The following AKAP1 variants were observed in gnomAD, a reference collection of about 807,000 sequenced individuals.
The protein encoded by AKAP1 is A-kinase anchor protein 1, mitochondrial.
Under a neutral mutation model 79.8 loss-of-function variants are expected in AKAP1, and 32 were observed. The observed-to-expected ratio is 0.40, with a 90% CI of 0.30 to 0.54. The LOEUF is 0.54. Among genes scored for constraint, AKAP1 ranks in the 20% least tolerant of loss-of-function variants. The pLI is 0.47. For synonymous variants in AKAP1, 416 were observed against 466.7 expected (o/e 0.89, Z 1.40); for missense variants, 961 against 1,138.9 (o/e 0.84, Z 2.25).
At position 57,120,248 on chromosome 17, in the gene AKAP1, A is replaced by G; in HGVS notation, c.2638-2A>G. The G allele has an allele frequency of 1.2e-6, 2 of 1,611,900 alleles. No individual in the cohort carries two copies. Among genetic ancestry groups the G allele is most frequent in the Non-Finnish European group, 1.7e-6 (2 of 1,179,196 alleles). On this transcript the variant is annotated splice_acceptor_variant, in intron 10 of 10. Transcript: ENST00000337714. LOFTEE classifies it high-confidence loss of function. ...AAGCTTTAAGGGAACTTTCTTTTCT[A>G]GGTGGTGTTGATAAACCGGTCCCTG...
chr17:57,106,402 A>C lies in AKAP1; in HGVS notation c.938A>C (p.Asn313Thr), dbSNP rs1466490462. ...GGCAATGAGGAGAGCTTGGATAGAA[A>C]TGAGGAGGGCTTGGATAGAAATGAG... ...ELGNEESLDR[N>T]EEGLDRNEEG... The change falls in exon 2 of 11, where the codon AAT becomes ACT. Residue 313 changes from asparagine to threonine, a missense_variant. By Grantham distance (65) the Asn-to-Thr change is moderately conservative. Around this residue, in one of 3 missense-constraint regions of AKAP1, gnomAD observed 629 missense variants for 781.1 expected, o/e 0.81. Coordinates refer to ENST00000337714, the MANE Select transcript of AKAP1 (RefSeq NM_003488.4). 2.8e-6 allele frequency: 4 copies of C among 1,410,304 alleles called. No individual in the cohort carries two copies. In the African/African-American group the frequency reaches 5.5e-5, roughly 19 times the overall value. The allele number at this position is 1,410,304 out of a possible 1,614,324, so 87.4% of individuals were successfully genotyped here. A position where few individuals can be genotyped will look rare whatever the true frequency, so the allele number is the denominator to read the frequency against.
In AKAP1 at chr17:57,116,228, A is replaced by G; in HGVS notation, c.2399A>G (p.Lys800Arg). Residue 800 changes from lysine (K) to arginine (R), a missense_variant, in exon 7 of 11, where the codon AAG becomes AGG. This residue lies in a region of AKAP1 where 629 missense variants were observed against 781.1 expected (regional missense o/e 0.81). Coordinates refer to ENST00000337714, the MANE Select transcript of AKAP1 (RefSeq NM_003488.4). ...EIRYVDYGGYKRVKVDVLRQI... is the reference protein window; with the variant it reads ...EIRYVDYGGYRRVKVDVLRQI... ...CGATACGTGGACTACGGCGGATATA[A>G]GAGGGTGAAAGTAGACGTGCTCCGG... 1 of 1,614,194 alleles carries G rather than the reference A, an allele frequency of 6.2e-7. No individual in the cohort carries two copies. Among genetic ancestry groups the G allele is most frequent in the South Asian group, 1.1e-5 (1 of 91,088 alleles).
chr17:57,118,271 C>T, intron 8 of AKAP1, 110 bp from the exon 9 acceptor site: 1 of 1,010,160 alleles, frequency 9.9e-7, no homozygotes. Context: ...TTCTCAAGTT[C>T]CACAGCATCT....
At chr17:57,085,562 C>T (rs1205956516) in intron 1 of AKAP1, among the ~76,000 whole-genome samples, 164 bp downstream of exon 1, 1 of 152,064 alleles carries the variant, frequency 6.6e-6, no homozygotes, top group Non-Finnish European at 1.5e-5. Context: ...GGCTCTCGGC[C>T]GCCGCGCGCT....
At chr17:57,091,128 C>G (rs561939195) in intron 1 of AKAP1, among the ~76,000 whole-genome samples, 1 of 152,314 alleles carries the variant, frequency 6.6e-6, no homozygotes, top group Non-Finnish European at 1.5e-5. Flanking sequence ...TTCTGCCACT[C>G]CCAAGAAAAA....
At chr17:57,102,632 C>G (rs1014763402) in intron 1 of AKAP1, among the ~76,000 whole-genome samples, 2 of 151,466 alleles carry the variant, frequency 1.3e-5, no homozygotes, top group African/African-American at 2.4e-5. Flanking sequence ...TCCCGGCTCT[C>G]TCTCTTTTTT....
Position 57,110,156 on chromosome 17 carries a change from A to C in AKAP1, c.1846A>C (p.Lys616Gln), listed in dbSNP as rs1285777985. ...DLIIWEIEVP[K>Q]HLVGRLIGKQ... ...CATCATCTGGGAGATCGAGGTGCCAAAGGTAGGGGCGGAGTCCCCCAGGCT... is the reference window on the plus strand; with the variant it reads ...CATCATCTGGGAGATCGAGGTGCCACAGGTAGGGGCGGAGTCCCCCAGGCT... The change falls in exon 3 of 11, where the codon AAG (lysine) becomes CAG (glutamine). Residue 616 changes from lysine to glutamine, a missense_variant and splice_region_variant. Physicochemically the swap from Lys to Gln is moderately conservative, Grantham distance 53 (BLOSUM62 1). Coordinates refer to ENST00000337714, the MANE Select transcript of AKAP1 (RefSeq NM_003488.4). 2 of 1,613,604 alleles carry C rather than the reference A, an allele frequency of 1.2e-6. No individual in the cohort carries two copies. The highest frequency in any genetic ancestry group is 1.3e-5 in the African/African-American group (1 of 74,908).
intron 1 of AKAP1, chr17:57,095,533 C>T (rs565558492): frequency 1.3e-5 from 2 of 148,796 alleles, no homozygotes; most frequent in East Asian, 4.0e-4. Flanking sequence ...GCCTCGAGGG[C>T]AGTGCCTTGC....
In AKAP1 at chr17:57,086,940, G is replaced by C. The variant is rs1486207350; in HGVS notation, c.-25+1542G>C. 6.6e-6 allele frequency among the ~76,000 whole-genome samples: 1 copy of C among 152,132 alleles called. No individual in the cohort carries two copies. The highest frequency in any genetic ancestry group is 1.5e-5 in the Non-Finnish European group (1 of 68,022). ...CATTTATATAATTCCTCTGATCTTG[G>C]CATTGAAGTGGTTCACCTGCTGATT... On this transcript the variant is annotated intron_variant, in intron 1 of 10. Transcript: ENST00000337714. The surrounding 1 kb of genome is among the most constrained non-coding windows in gnomAD (Gnocchi z 5.1).
intron 1 of AKAP1, among the ~76,000 whole-genome samples, chr17:57,089,262 A>G (rs1913638284): frequency 6.6e-6 from 1 of 152,202 alleles, no homozygotes; most frequent in African/African-American, 2.4e-5. Context: ...AATGGGTAGT[A>G]CATGTCAAAG....
At chr17:57,091,748 G>C (rs2144634463) in intron 1 of AKAP1, among the ~76,000 whole-genome samples, 1 of 152,132 alleles carries the variant, frequency 6.6e-6, no homozygotes, top group African/African-American at 2.4e-5. Flanking sequence ...GAGTACAGTG[G>C]CTCGATCATA....
intron 1 of AKAP1, among the ~76,000 whole-genome samples, chr17:57,090,372 A>G (rs1168226495): frequency 1.3e-5 from 2 of 151,772 alleles, no homozygotes; most frequent in Non-Finnish European, 2.9e-5. Flanking sequence ...TAGTACAGTG[A>G]TTAGTTTGTG....
intron 1 of AKAP1, among the ~76,000 whole-genome samples, chr17:57,099,484 T>C (rs1914348724): frequency 6.6e-6 from 1 of 152,174 alleles, no homozygotes; most frequent in Non-Finnish European, 1.5e-5. Flanking sequence ...ACTGGGAATT[T>C]AGGTGGGACA....
intron 8 of AKAP1, among the ~76,000 whole-genome samples, chr17:57,117,692 CCT>C (rs3837802): frequency 0.1 from 15,484 of 152,154 alleles, 913 homozygotes; most frequent in Non-Finnish European, 0.13. Flanking sequence ...GCCCCTCCTT[CCT>C]CTCTGCTTCT....
intron 10 of AKAP1, 95 bp from the exon 11 acceptor site, chr17:57,120,155 T>G: frequency 1.8e-6 from 2 of 1,096,630 alleles, no homozygotes; most frequent in Non-Finnish European, 2.7e-6. Context: ...ATCTGTTGCC[T>G]GCAGTGGCAA....
chr17:57,096,092 A>G (rs1170301933), intron 1 of AKAP1: 3 of 152,220 alleles, frequency 2.0e-5, no homozygotes, highest in Non-Finnish European at 4.4e-5. Flanking sequence ...TGGACCTGCC[A>G]TGGATTTGGC....
At position 57,105,626 on chromosome 17, in the gene AKAP1, C is replaced by T. The variant is rs1220137532; in HGVS notation, c.162C>T (p.Ile54=). 7 of 1,613,988 alleles carry T rather than the reference C, an allele frequency of 4.3e-6. No individual in the cohort carries two copies. Among genetic ancestry groups the T allele is most frequent in the Non-Finnish European group, 5.9e-6 (7 of 1,180,016 alleles). ...TGCAGCTGAGGGCTGACCCTGCCAT[C>T]AAGGAACCTCTCCCCGTGGAAGACG... ...GAVQLRADPA[I]KEPLPVEDVC... is the part of the protein sequence containing the mutation. Residue 54 remains isoleucine, a synonymous_variant, in exon 2 of 11, where the codon ATC becomes ATT. Transcript: ENST00000337714.
At chr17:57,114,681 G>T (rs758145126) in intron 6 of AKAP1, 45 bp downstream of exon 6, 11 of 1,561,842 alleles carry the variant, frequency 7.0e-6, no homozygotes, top group South Asian at 2.3e-5. Context: ...CCCTGGGGTT[G>T]CCTGTTCTGC....
At chr17:57,095,749 G>A (rs1172408574) in intron 1 of AKAP1, 1 of 152,100 alleles carries the variant, frequency 6.6e-6, no homozygotes, top group African/African-American at 2.4e-5. Context: ...CATCTTTTCT[G>A]ATGTCTTTAC....
Sources: gnomAD v4.1 joint callset for allele counts (sites outside exome capture counted in the v4.1 genomes callset) on GRCh38, gnomAD v4.1.1 for gene constraint, gnomAD v4.1.1 regional missense constraint, Gnocchi (gnomAD v3.1) non-coding constraint, MANE v1.5 for transcripts, NCBI Gene and HGNC (gene_info 2026-07-23, HGNC 2026-07-21) for gene names.